Variants in LRP1B observed in about 807,000 individuals in gnomAD.
LRP1B encodes LDL receptor related protein 1B.
A neutral mutation model predicts 556.6 loss-of-function variants in LRP1B; 217 were observed. That is an observed-to-expected ratio of 0.39 (90% CI 0.35 to 0.44). The LOEUF (loss-of-function observed/expected upper bound fraction) is 0.44, where lower values mean the gene tolerates loss of function less well. LRP1B is among the 20% of genes least tolerant of loss of function. The probability of loss-of-function intolerance (pLI) is 1.00; values close to 1 mark genes in which losing one functional copy is unlikely to be tolerated. For missense variants in LRP1B, 5,053 were observed against 5,620.8 expected, an observed-to-expected ratio of 0.90 and a Z score of 3.23; for synonymous variants, 2,047 against 1,865.8, an observed-to-expected ratio of 1.10 and a Z score of -2.50.
In LRP1B at chr2:140,923,016, C is replaced by A. The variant is rs1430218843; in HGVS notation, c.3268G>T (p.Gly1090Cys). 9.3e-6 allele frequency: 15 copies of A among 1,613,022 alleles called. No individual in the cohort carries two copies. The highest frequency in any genetic ancestry group is 1.3e-5 in the African/African-American group (1 of 74,844). The change falls in exon 21 of 91, where the codon GGT (glycine) becomes TGT (cysteine). Residue 1090 changes from glycine (G) to cysteine (C), a missense_variant. Coordinates refer to ENST00000389484, the MANE Select transcript of LRP1B (RefSeq NM_018557.3). ...TTGTGGTCACACAATCGTATGGTACCATTGCAACCTTTTTCATCACTACCA... is the reference window on the plus strand; with the variant it reads ...TTGTGGTCACACAATCGTATGGTACAATTGCAACCTTTTTCATCACTACCA... ...EDGSDEKGCN[G>C]TIRLCDHKTK... is the part of the protein sequence containing the mutation.
At chr2:140,859,576 T>TA (rs779844725) in intron 27 of LRP1B, among the ~76,000 whole-genome samples, 29 of 152,148 alleles carry the variant, frequency 1.9e-4, no homozygotes, top group East Asian at 1.4e-3. Flanking sequence ...CAGTGGGATT[T>TA]TAAAAAAAAT....
intron 1 of LRP1B, among the ~76,000 whole-genome samples, chr2:141,840,295 G>A (rs1338133024): frequency 1.8e-5 from 2 of 113,450 alleles, no homozygotes; most frequent in Non-Finnish European, 3.3e-5. Context: ...ACGGAATCTC[G>A]CTCTGTCGCC....
At chr2:141,541,460 C>A (rs1293460788) in intron 2 of LRP1B, among the ~76,000 whole-genome samples, 1 of 151,964 alleles carries the variant, frequency 6.6e-6, no homozygotes, top group African/African-American at 2.4e-5. Flanking sequence ...AGTTAACTAC[C>A]ACCAAATCCA....
chr2:141,298,954 T>TA (rs10714514), intron 3 of LRP1B, among the ~76,000 whole-genome samples: 41,855 of 123,566 alleles, frequency 0.34, 7,125 homozygotes, highest in Middle Eastern at 0.49. Context: ...AACTCCATCT[T>TA]AAAAAAAAAA....
At chr2:141,927,993 G>T (rs1267021793) in intron 1 of LRP1B, among the ~76,000 whole-genome samples, 1 of 150,086 alleles carries the variant, frequency 6.7e-6, no homozygotes, top group Non-Finnish European at 1.5e-5. Context: ...CATCTACCAT[G>T]CATCCTTCAG....
intron 3 of LRP1B, among the ~76,000 whole-genome samples, chr2:141,437,770 C>A (rs545168745): frequency 6.6e-6 from 1 of 151,774 alleles, no homozygotes; most frequent in African/African-American, 2.4e-5. Context: ...AGTATTCAAG[C>A]AGAAGGGGAG....
intron 2 of LRP1B, among the ~76,000 whole-genome samples, chr2:141,508,283 A>G (rs569708917): frequency 6.6e-6 from 1 of 152,278 alleles, no homozygotes; most frequent in African/African-American, 2.4e-5. Context: ...TGACTTTTAC[A>G]GAAGGTATTT....
intron 41 of LRP1B, among the ~76,000 whole-genome samples, chr2:140,680,113 G>A (rs916560082): frequency 2.6e-5 from 4 of 151,874 alleles, no homozygotes; most frequent in Non-Finnish European, 4.4e-5. Context: ...CATACACCTC[G>A]TTCCAGGGCC....
chr2:141,657,886 A>G (rs1690073216), intron 2 of LRP1B, among the ~76,000 whole-genome samples: 1 of 152,318 alleles, frequency 6.6e-6, no homozygotes, highest in African/African-American at 2.4e-5. Context: ...ACGCTGAAAC[A>G]TACATTCATT....
intron 18 of LRP1B, among the ~76,000 whole-genome samples, chr2:140,975,818 T>A (rs1045018997): frequency 6.6e-6 from 1 of 152,200 alleles, no homozygotes; most frequent in African/African-American, 2.4e-5. Context: ...TTTCTAATAA[T>A]CTTGTGTAAA....
At chr2:140,376,136 T>C (rs1683219990) in intron 68 of LRP1B, among the ~76,000 whole-genome samples, 1 of 152,154 alleles carries the variant, frequency 6.6e-6, no homozygotes, top group Non-Finnish European at 1.5e-5. Context: ...TTTACTACAA[T>C]TAATTTCATT....
intron 31 of LRP1B, among the ~76,000 whole-genome samples, chr2:140,829,314 A>G (rs557526304): frequency 6.6e-6 from 1 of 152,340 alleles, no homozygotes; most frequent in Admixed American, 6.5e-5. Context: ...ATTTTGTCCA[A>G]CAGCTACACA....
intron 32 of LRP1B, among the ~76,000 whole-genome samples, chr2:140,805,072 T>C (rs1401008873): frequency 1.3e-5 from 2 of 152,124 alleles, no homozygotes; most frequent in Non-Finnish European, 2.9e-5. Context: ...AAAACAAATG[T>C]TGTGTGCATA....
chr2:141,171,605 A>G (rs1680501022), intron 7 of LRP1B, among the ~76,000 whole-genome samples: 1 of 152,104 alleles, frequency 6.6e-6, no homozygotes, highest in Admixed American at 6.6e-5. Context: ...GAATACTGCA[A>G]AACTTCCAAA....
chr2:140,264,158 CCTT>C (rs537899324), intron 86 of LRP1B, among the ~76,000 whole-genome samples: 136 of 130,104 alleles, frequency 1.0e-3, no homozygotes, highest in African/African-American at 3.1e-3. Context: ...TTCTTATCAC[CCTT>C]CTTACAAAGA....
chr2:140,748,828 C>G (rs374600634), intron 35 of LRP1B, among the ~76,000 whole-genome samples: 4 of 79,518 alleles, frequency 5.0e-5, no homozygotes, highest in African/African-American at 1.3e-4. Flanking sequence ...TAATATATAT[C>G]ATATATTATA....
intron 7 of LRP1B, among the ~76,000 whole-genome samples, chr2:141,138,845 T>C (rs1213523761): frequency 6.6e-6 from 1 of 151,892 alleles, no homozygotes; most frequent in Admixed American, 6.6e-5. Context: ...ACACTTTCTG[T>C]AAATATTGGG....
intron 2 of LRP1B, among the ~76,000 whole-genome samples, chr2:141,503,192 T>C (rs137917295): frequency 0.025 from 3,762 of 148,002 alleles, 153 homozygotes; most frequent in African/African-American, 0.088. Flanking sequence ...AAAGTAAACA[T>C]GAATTTACTT....
chr2:140,407,275 G>T (rs1008389938), intron 66 of LRP1B, among the ~76,000 whole-genome samples: 4 of 151,960 alleles, frequency 2.6e-5, no homozygotes, highest in African/African-American at 9.7e-5. Context: ...CTGGACATTG[G>T]CCTAGGCAAA....
Sources: allele counts gnomAD v4.1 joint callset (sites outside exome capture counted in the v4.1 genomes callset), GRCh38; gene constraint gnomAD v4.1.1; transcripts MANE v1.5; gene names NCBI Gene and HGNC (gene_info 2026-07-23, HGNC 2026-07-21).